Variants in NLGN1 observed in about 807,000 individuals in gnomAD.
NLGN1 encodes the protein neuroligin-1.
Under a neutral mutation model 65.5 loss-of-function variants are expected in NLGN1, and 12 were observed. The ratio of observed to expected loss-of-function variants is 0.18; its 90% confidence interval spans 0.12 to 0.30. The LOEUF is 0.30. Ranked by LOEUF, NLGN1 falls within the 10% of genes least tolerant of loss-of-function variation. NLGN1 has a pLI of 1.00. For synonymous variants in NLGN1, 350 were observed against 359.5 expected, an observed-to-expected ratio of 0.97 and a Z score of 0.30; for missense variants, 750 against 1,007.1, an observed-to-expected ratio of 0.74 and a Z score of 3.46.
chr3:174,232,306 G>A (rs35194325), intron 4 of NLGN1, among the ~76,000 whole-genome samples: 5 of 151,836 alleles, frequency 3.3e-5, no homozygotes, highest in African/African-American at 7.3e-5. Flanking sequence ...TGTCATCAGT[G>A]AAGGCAGGAA....
At chr3:174,258,891 G>A (rs1449279765) in intron 4 of NLGN1, among the ~76,000 whole-genome samples, 1 of 152,034 alleles carries the variant, frequency 6.6e-6, no homozygotes, top group Non-Finnish European at 1.5e-5. Context: ...GGGTGGAAGA[G>A]GGGAGAGTAA....
chr3:173,777,871 C>T (rs1780556278), intron 3 of NLGN1, among the ~76,000 whole-genome samples: 1 of 151,810 alleles, frequency 6.6e-6, no homozygotes, highest in Non-Finnish European at 1.5e-5. Context: ...AAGGCTCATA[C>T]AAATTTCCCA....
intron 4 of NLGN1, among the ~76,000 whole-genome samples, chr3:174,192,792 C>T (rs1040624896): frequency 6.6e-6 from 1 of 152,070 alleles, no homozygotes; most frequent in East Asian, 1.9e-4. Flanking sequence ...ACTTACTTTC[C>T]TTGCCTCATT....
intron 4 of NLGN1, among the ~76,000 whole-genome samples, chr3:174,224,948 A>C (rs1739344430): frequency 6.6e-6 from 1 of 152,140 alleles, no homozygotes; most frequent in Non-Finnish European, 1.5e-5. Context: ...GCTTGTTAGG[A>C]GTTTAGTCCA....
chr3:173,852,474 G>A (rs959620367), intron 4 of NLGN1, among the ~76,000 whole-genome samples: 20 of 149,560 alleles, frequency 1.3e-4, no homozygotes, highest in Non-Finnish European at 2.7e-4. Flanking sequence ...GGCTTCATCA[G>A]TTTCAGAATA....
chr3:173,898,211 A>G (rs1034222782), intron 4 of NLGN1, among the ~76,000 whole-genome samples: 2 of 152,182 alleles, frequency 1.3e-5, no homozygotes, highest in Admixed American at 6.5e-5. Flanking sequence ...TGTTTTTGCA[A>G]TCTTTCAATC....
At chr3:174,068,572 A>G (rs990122193) in intron 4 of NLGN1, among the ~76,000 whole-genome samples, 4 of 152,136 alleles carry the variant, frequency 2.6e-5, no homozygotes, top group Admixed American at 6.6e-5. Flanking sequence ...ACCTAAGTCT[A>G]TCTTATACTC....
intron 4 of NLGN1, among the ~76,000 whole-genome samples, chr3:174,012,669 T>C (rs925201814): frequency 1.3e-5 from 2 of 152,162 alleles, no homozygotes; most frequent in Admixed American, 6.6e-5. Context: ...ATCTTCACCA[T>C]CATAGTTTCA....
chr3:173,988,147 A>G (rs1005067248), intron 4 of NLGN1, among the ~76,000 whole-genome samples: 1 of 152,142 alleles, frequency 6.6e-6, no homozygotes, highest in Non-Finnish European at 1.5e-5. Context: ...CAAATATATA[A>G]TATATTTGGG....
chr3:173,933,070 A>G (rs1281743929), intron 4 of NLGN1, among the ~76,000 whole-genome samples: 1 of 152,188 alleles, frequency 6.6e-6, no homozygotes, highest in East Asian at 1.9e-4. Context: ...GCAACAGAAA[A>G]GCTCAGAAAA....
intron 4 of NLGN1, among the ~76,000 whole-genome samples, chr3:174,006,678 A>G (rs1724474651): frequency 6.6e-6 from 1 of 152,196 alleles, no homozygotes; most frequent in Non-Finnish European, 1.5e-5. Flanking sequence ...CCAGTACTTC[A>G]GAATGTATTT....
intron 3 of NLGN1, among the ~76,000 whole-genome samples, chr3:173,743,115 T>G (rs1362438601): frequency 6.6e-6 from 1 of 152,140 alleles, no homozygotes; most frequent in Non-Finnish European, 1.5e-5. Flanking sequence ...ATTGAGACCT[T>G]TCTCTTGATG....
At chr3:173,944,069 C>T (rs983839197) in intron 4 of NLGN1, among the ~76,000 whole-genome samples, 2 of 150,170 alleles carry the variant, frequency 1.3e-5, no homozygotes, top group Admixed American at 6.6e-5. Context: ...GGAACTGAAA[C>T]GTTTTATAAT....
At position 173,507,921 on chromosome 3, in the gene NLGN1, G is replaced by C. The variant is rs1220884554; in HGVS notation, c.-321+72843G>C. ...ACCCTAGACAATTTATTTAGTTACA[G>C]CGCAGTTTACTCAACTGTAAAAAGA... On this transcript the variant is annotated intron_variant, in intron 2 of 6. Coordinates refer to ENST00000457714, the Ensembl canonical transcript of NLGN1. Among the ~76,000 whole-genome samples the C allele has an allele frequency of 2.0e-5, 3 of 152,124 alleles. No individual in the cohort carries two copies. In the East Asian group the frequency reaches 5.8e-4, roughly 29 times the overall value.
At chr3:173,535,548 T>A (rs1483434119) in intron 2 of NLGN1, among the ~76,000 whole-genome samples, 1 of 151,946 alleles carries the variant, frequency 6.6e-6, no homozygotes, top group Non-Finnish European at 1.5e-5. Context: ...CTTAGTAATA[T>A]GTAAAAAAGA....
At chr3:174,186,651 A>G (rs913648967) in intron 4 of NLGN1, among the ~76,000 whole-genome samples, 1 of 151,996 alleles carries the variant, frequency 6.6e-6, no homozygotes, top group African/African-American at 2.4e-5. Context: ...GCCACCATCT[A>G]TATCTTTTTC....
chr3:173,802,233 A>G (rs1454712447), intron 3 of NLGN1, among the ~76,000 whole-genome samples: 1 of 152,156 alleles, frequency 6.6e-6, no homozygotes, highest in Non-Finnish European at 1.5e-5. Flanking sequence ...TAGGCCATGT[A>G]AACCTGAATC....
intron 3 of NLGN1, among the ~76,000 whole-genome samples, chr3:173,798,738 C>T (rs572242027): frequency 3.3e-5 from 5 of 152,138 alleles, no homozygotes; most frequent in Admixed American, 2.0e-4. Context: ...TTTGAAATGA[C>T]CTTGAAACCG....
chr3:174,186,905 T>C (rs1455096503), intron 4 of NLGN1, among the ~76,000 whole-genome samples: 1 of 151,854 alleles, frequency 6.6e-6, no homozygotes, highest in African/African-American at 2.4e-5. Flanking sequence ...CAATTATCCC[T>C]CCATATCTGA....
Sources: gnomAD v4.1 joint callset for allele counts (sites outside exome capture counted in the v4.1 genomes callset) on GRCh38, gnomAD v4.1.1 for gene constraint, MANE v1.5 for transcripts, NCBI Gene and HGNC (gene_info 2026-07-23, HGNC 2026-07-21) for gene names.